WNK3: variants seen among roughly 807,000 people sequenced by gnomAD.
The protein encoded by WNK3 is serine/threonine-protein kinase WNK3.
In WNK3, 18 loss-of-function variants were observed where a neutral mutation model predicts 116.7. The observed-to-expected ratio is 0.15, with a 90% CI of 0.11 to 0.23. The LOEUF (loss-of-function observed/expected upper bound fraction) is 0.23, where lower values mean the gene tolerates loss of function less well. Among genes scored for constraint, WNK3 ranks in the 10% least tolerant of loss-of-function variants. The pLI, the probability that WNK3 is intolerant of heterozygous loss-of-function variation, is 1.00. For missense variants in WNK3, 993 were observed against 1,323.8 expected (o/e 0.75, Z 3.88); for synonymous variants, 404 against 469.4 (o/e 0.86, Z 1.80).
exon 9 of WNK3, chrX:54,293,274 T>C (rs201568341): frequency 1.7e-6 from 2 of 1,206,869 alleles, no homozygotes; most frequent in Non-Finnish European, 2.2e-6. Context: ...CTGGGCTGAC[T>C]TGAAGTATCT....
chrX:54,271,777 G>A (rs947970114), intron 10 of WNK3, among the ~76,000 whole-genome samples: 1 of 111,825 alleles, frequency 8.9e-6, no homozygotes, highest in African/African-American at 3.2e-5. Flanking sequence ...AAATTGAAGA[G>A]TTCAACTGTG....
rs142206162 is a variant in WNK3, at chrX:54,244,940, A to G, written c.3651+3757T>C. The stretch of plus-strand genomic sequence containing the variant: ...TTCTAGGCATGTCCCTAACCTTGGC[A>G]AAATAAAATTCTAAATTGATTGAGA... On this transcript the variant is annotated intron_variant, in intron 17 of 23. Coordinates refer to ENST00000354646, the Ensembl canonical transcript of WNK3. 2.2e-3 allele frequency among the ~76,000 whole-genome samples: 242 copies of G among 111,337 alleles called. 1 individual carries two copies. Among genetic ancestry groups the G allele is most frequent in the African/African-American group, 7.7e-3 (236 of 30,649 alleles).
At chrX:54,316,830 G>C (rs1385815228) in intron 2 of WNK3, among the ~76,000 whole-genome samples, 1 of 111,503 alleles carries the variant, frequency 9.0e-6, no homozygotes, top group Non-Finnish European at 1.9e-5. Flanking sequence ...GAGAAACCTT[G>C]TACATTGCTG....
chrX:54,223,371 T>C (rs1557147003), intron 22 of WNK3: 1 of 112,053 alleles, frequency 8.9e-6, no homozygotes, highest in African/African-American at 3.3e-5. Flanking sequence ...CCCCCTCTCC[T>C]GCTATTGTGA....
intron 10 of WNK3, among the ~76,000 whole-genome samples, chrX:54,267,764 C>G (rs1557158096): frequency 1.8e-5 from 2 of 109,956 alleles, no homozygotes. Context: ...CCACTGCACT[C>G]CAGCTTGGGT....
chrX:54,280,918 C>T (rs1478924910), intron 10 of WNK3, among the ~76,000 whole-genome samples: 2 of 110,494 alleles, frequency 1.8e-5, no homozygotes, highest in African/African-American at 6.6e-5. Context: ...TGCACACATA[C>T]TCCCTGATTC....
chrX:54,340,997 G>A (rs1478688890), intron 1 of WNK3, among the ~76,000 whole-genome samples: 1 of 112,180 alleles, frequency 8.9e-6, no homozygotes, highest in Admixed American at 9.5e-5. Context: ...ACAAAAACTT[G>A]TACAAGTGTT....
At chrX:54,199,988 G>A (rs2067486165) in intron 23 of WNK3, among the ~76,000 whole-genome samples, 1 of 111,617 alleles carries the variant, frequency 9.0e-6, no homozygotes, top group African/African-American at 3.3e-5. Context: ...ATCCCTTCAC[G>A]CTCCTTTCCT....
At chrX:54,329,376 C>T (rs575130836) in intron 2 of WNK3, among the ~76,000 whole-genome samples, 1 of 111,907 alleles carries the variant, frequency 8.9e-6, no homozygotes, top group African/African-American at 3.2e-5. Context: ...CGGTGGCTCA[C>T]GCCTGTACTC....
intron 1 of WNK3, among the ~76,000 whole-genome samples, chrX:54,335,257 A>G (rs1244336420): frequency 3.6e-5 from 4 of 111,266 alleles, no homozygotes; most frequent in African/African-American, 1.3e-4. Context: ...AAAACAAAAC[A>G]ACAACAACAA....
chrX:54,251,599 T>C, exon 14 of WNK3: 1 of 1,211,130 alleles, frequency 8.3e-7, no homozygotes, highest in Non-Finnish European at 1.1e-6. Flanking sequence ...AAAGTGGACA[T>C]GAAGGATCTC....
At chrX:54,223,839 G>T in intron 22 of WNK3, 1 of 133,954 alleles carries the variant, frequency 7.5e-6, no homozygotes, top group Non-Finnish European at 1.5e-5. Context: ...AAATACAAAG[G>T]GAAGAGAAGA....
intron 20 of WNK3, among the ~76,000 whole-genome samples, chrX:54,233,435 CAA>C (rs34814207): frequency 1.3e-4 from 3 of 23,407 alleles, no homozygotes; most frequent in Admixed American, 6.1e-4. Flanking sequence ...GAGACCCTGT[CAA>C]AAAAAAAAAA....
chrX:54,355,179 A>G (rs2147360664), intron 1 of WNK3, among the ~76,000 whole-genome samples: 1 of 111,794 alleles, frequency 8.9e-6, no homozygotes, highest in South Asian at 3.8e-4. Context: ...TCAGCAATGA[A>G]CAATATAGTA....
chrX:54,235,487 A>AT (rs2067952231), intron 20 of WNK3, among the ~76,000 whole-genome samples: 1 of 110,959 alleles, frequency 9.0e-6, no homozygotes, highest in African/African-American at 3.3e-5. Context: ...GGGTTTTGCC[A>AT]TGTTGGCCAG....
At position 54,298,446 on chromosome X, in the gene WNK3, C is replaced by T. The variant is rs112676530; in HGVS notation, c.1179-52G>A. The T allele has an allele frequency of 5.1e-5, 45 of 884,736 alleles. 1 individual carries two copies. The highest frequency in any genetic ancestry group is 3.8e-4 in the African/African-American group (19 of 49,429). 72.9% of individuals were successfully genotyped at this position (884,736 alleles called of 1,213,427 possible). A position where few individuals can be genotyped will look rare whatever the true frequency, so the allele number is the denominator to read the frequency against. ...ATCAGTTCTTCCAATCATAGCAAGA[C>T]CCTTTAATTACTAAAAATTAATTGT... On this transcript the variant is annotated intron_variant, in intron 6 of 23. Coordinates refer to ENST00000354646, the Ensembl canonical transcript of WNK3.
chrX:54,244,416 G>C (rs1340282054), intron 17 of WNK3, among the ~76,000 whole-genome samples: 7 of 111,646 alleles, frequency 6.3e-5, no homozygotes, highest in African/African-American at 2.0e-4. Context: ...GTATTACATA[G>C]TAAATGGCAA....
chrX:54,209,545 CT>C lies in WNK3; in HGVS notation c.4871-7353del, dbSNP rs781825501. Among the ~76,000 whole-genome samples, 584 of 78,410 alleles carry C rather than the reference CT, an allele frequency of 7.4e-3. 3 individuals carry two copies. Among genetic ancestry groups the C allele is most frequent in the African/African-American group, 0.028 (502 of 17,896 alleles). 68.1% of individuals were successfully genotyped at this position (78,410 alleles called of 115,157 possible). On this transcript the variant is annotated intron_variant, in intron 22 of 23. Transcript: ENST00000354646. ...AAGGATATATACGTGTTAAGCAGTG[CT>C]TTTTTTTTTTTTTTTTTTTTTTGAG...
At chrX:54,214,316 G>C (rs1246782763) in intron 22 of WNK3, among the ~76,000 whole-genome samples, 1 of 111,255 alleles carries the variant, frequency 9.0e-6, no homozygotes, top group African/African-American at 3.3e-5. Flanking sequence ...TCCCAAAAAA[G>C]AAATCTCTGA....
Sources: allele counts gnomAD v4.1 joint callset (sites outside exome capture counted in the v4.1 genomes callset), GRCh38; gene constraint gnomAD v4.1.1; transcripts MANE v1.5; gene names NCBI Gene and HGNC (gene_info 2026-07-23, HGNC 2026-07-21).